Variants in ZHX2 observed in about 807,000 individuals in gnomAD.
ZHX2 encodes zinc fingers and homeoboxes 2.
A neutral mutation model predicts 21.9 loss-of-function variants in ZHX2; 6 were observed. That is an observed-to-expected ratio of 0.27 (90% CI 0.15 to 0.54). The LOEUF is 0.54. Ranked by LOEUF, ZHX2 falls within the 20% of genes least tolerant of loss-of-function variation. The probability of loss-of-function intolerance (pLI) is 0.95; values close to 1 mark genes in which losing one functional copy is unlikely to be tolerated. For synonymous variants in ZHX2, 434 were observed against 437.1 expected (o/e 0.99, Z 0.09); for missense variants, 908 against 1,090.7 (o/e 0.83, Z 2.36).
chr8:122,950,579 TTAAAA>T (rs892982524), intron 2 of ZHX2, among the ~76,000 whole-genome samples: 1 of 152,128 alleles, frequency 6.6e-6, no homozygotes, highest in Non-Finnish European at 1.5e-5. Flanking sequence ...ATCCCAGAAC[TTAAAA>T]TAAAATTTTA....
At chr8:122,868,591 C>G (rs1415972200) in intron 2 of ZHX2, among the ~76,000 whole-genome samples, 1 of 151,526 alleles carries the variant, frequency 6.6e-6, no homozygotes, top group African/African-American at 2.4e-5. Flanking sequence ...GTCCCAGCTA[C>G]TTGGGAGGCT....
intron 2 of ZHX2, among the ~76,000 whole-genome samples, chr8:122,881,906 T>C (rs1321685747): frequency 9.2e-5 from 14 of 152,308 alleles, no homozygotes; most frequent in Non-Finnish European, 1.5e-5. Flanking sequence ...CTTAAAACTT[T>C]CAACCGGCAA....
At chr8:122,900,256 T>C (rs1038116970) in intron 2 of ZHX2, among the ~76,000 whole-genome samples, 9 of 151,942 alleles carry the variant, frequency 5.9e-5, no homozygotes, top group Admixed American at 2.0e-4. Flanking sequence ...CTGCTTCTGG[T>C]GTGGACCTCA....
At chr8:122,819,743 G>A (rs545385359) in intron 1 of ZHX2, among the ~76,000 whole-genome samples, 4 of 152,262 alleles carry the variant, frequency 2.6e-5, no homozygotes, top group Non-Finnish European at 5.9e-5. Context: ...CCCAGACTGG[G>A]CACTCCACTG....
In ZHX2 at chr8:122,805,424, C is replaced by T. The variant is rs190554467; in HGVS notation, c.-283+23478C>T. ...GCCACTCGAAATCTGAGTGACCCCC[C>T]ACCCCAGCAAGGAAACACAGGTACC... On this transcript the variant is annotated intron_variant, in intron 1 of 3. Transcript: ENST00000314393. Among the ~76,000 whole-genome samples the T allele has an allele frequency of 9.2e-5, 14 of 152,302 alleles. No individual in the cohort carries two copies. The East Asian group carries it at 2.1e-3, about 23-fold the overall frequency.
At chr8:122,781,053 T>G (rs1040552646), upstream of ZHX2, 6 of 152,144 alleles carry the variant, frequency 3.9e-5, no homozygotes, top group Non-Finnish European at 7.4e-5. This position sits in a 1 kb window ranked among gnomAD's most constrained non-coding sequence, Gnocchi z 4.6. Context: ...ATTCCGGGAG[T>G]AAAATGTGTC....
rs201110609 is a variant in ZHX2, at chr8:122,953,822, G to T, written c.2312G>T (p.Arg771Leu). ...PAKPSEATSDRSEGSSRDGQG... is the reference protein window; with the variant it reads ...PAKPSEATSDLSEGSSRDGQG... Reference sequence around the variant, plus strand: ...AAGCCCTCAGAGGCCACCTCAGACCGGTCAGAGGGCAGCAGCCGGGACGGC... The same window carrying T: ...AAGCCCTCAGAGGCCACCTCAGACCTGTCAGAGGGCAGCAGCCGGGACGGC... Residue 771 changes from arginine to leucine, a missense_variant, in exon 3 of 4, where the codon CGG becomes CTG. Arg to Leu is a moderately radical substitution (Grantham distance 102). This residue lies in a region of ZHX2 where 431 missense variants were observed against 428.6 expected (regional missense o/e 1.01). Transcript: ENST00000314393. This position sits in a 1 kb window ranked among gnomAD's most constrained non-coding sequence, Gnocchi z 4.6. The T allele has an allele frequency of 2.7e-5, 44 of 1,614,122 alleles. No homozygotes were observed. In the Middle Eastern group the frequency reaches 4.9e-4, roughly 18 times the overall value.
At chr8:122,903,479 T>C (rs530140371) in intron 2 of ZHX2, among the ~76,000 whole-genome samples, 7 of 152,314 alleles carry the variant, frequency 4.6e-5, no homozygotes, top group Non-Finnish European at 8.8e-5. Flanking sequence ...GAAGGTATTA[T>C]TGGAGAACGT....
rs542674481 is a variant in ZHX2, at chr8:122,833,854, G to A, written c.-282-29623G>A. Among the ~76,000 whole-genome samples, 118 of 152,160 alleles carry A rather than the reference G, an allele frequency of 7.8e-4. 1 individual carries two copies. Among genetic ancestry groups the A allele is most frequent in the African/African-American group, 2.8e-3 (115 of 41,520 alleles). ...TACTAAAAAATACAAAAAATTAGCC[G>A]GGCGTGGTGGTGGGCGCCTGTAGTC... On this transcript the variant is annotated intron_variant, in intron 1 of 3. Coordinates refer to ENST00000314393, the MANE Select transcript of ZHX2 (RefSeq NM_014943.5).
Position 122,969,408 on chromosome 8 carries a change from GC to G in ZHX2, c.*5-3826del, listed in dbSNP as rs879514249. Among the ~76,000 whole-genome samples the G allele has an allele frequency of 3.3e-5, 5 of 151,556 alleles. No homozygotes were observed. The South Asian group carries it at 6.3e-4, about 19-fold the overall frequency. On this transcript the variant is annotated intron_variant, in intron 3 of 3. Coordinates refer to ENST00000314393, the MANE Select transcript of ZHX2 (RefSeq NM_014943.5). ...CATGTTATATCCTTACCTCCCCACT[GC>G]CCCCCCCAAAAATAGACACAAGCAA...
At chr8:122,950,401 C>T (rs559142011) in intron 2 of ZHX2, among the ~76,000 whole-genome samples, 42 of 152,048 alleles carry the variant, frequency 2.8e-4, no homozygotes, top group African/African-American at 5.3e-4. Flanking sequence ...GGGAGGGGAA[C>T]GTCACACACC....
intron 1 of ZHX2, among the ~76,000 whole-genome samples, chr8:122,795,406 C>T (rs1055943938): frequency 2.0e-5 from 3 of 152,248 alleles, no homozygotes; most frequent in Non-Finnish European, 4.4e-5. Flanking sequence ...GGCCTCTGGG[C>T]GCAAGCTGGG....
intron 1 of ZHX2, among the ~76,000 whole-genome samples, chr8:122,815,270 T>C (rs928263509): frequency 6.6e-6 from 1 of 152,258 alleles, no homozygotes; most frequent in Admixed American, 6.5e-5. Context: ...GAGTCTGTGA[T>C]ACTTTGATGG....
chr8:122,922,122 T>C (rs1820754525), intron 2 of ZHX2, among the ~76,000 whole-genome samples: 1 of 152,136 alleles, frequency 6.6e-6, no homozygotes, highest in Non-Finnish European at 1.5e-5. Flanking sequence ...TGCATTCATT[T>C]TGGGTGCTGA....
intron 3 of ZHX2, among the ~76,000 whole-genome samples, chr8:122,966,470 A>G (rs1251554690): frequency 6.6e-6 from 1 of 152,190 alleles, no homozygotes; most frequent in African/African-American, 2.4e-5. Context: ...TAAGGAGGCT[A>G]AAGATGGGAT....
intron 1 of ZHX2, among the ~76,000 whole-genome samples, chr8:122,802,512 A>G (rs1478427975): frequency 6.6e-6 from 1 of 152,038 alleles, no homozygotes; most frequent in East Asian, 1.9e-4. Context: ...GCCTTTCTGG[A>G]CCTTGTATGT....
At chr8:122,843,369 C>G (rs1394618656) in intron 1 of ZHX2, among the ~76,000 whole-genome samples, 1 of 152,198 alleles carries the variant, frequency 6.6e-6, no homozygotes, top group East Asian at 1.9e-4. Context: ...TAGGCCTCTC[C>G]TTGTCATCCG....
At chr8:122,847,776 A>G (rs16897538) in intron 1 of ZHX2, among the ~76,000 whole-genome samples, 19,893 of 152,176 alleles carry the variant, frequency 0.13, 2,407 homozygotes, top group African/African-American at 0.32. Flanking sequence ...ACCAGCACCC[A>G]GCACCACACT....
chr8:122,878,836 T>C (rs193186305), intron 2 of ZHX2, among the ~76,000 whole-genome samples: 1 of 152,276 alleles, frequency 6.6e-6, no homozygotes, highest in Non-Finnish European at 1.5e-5. Context: ...GCTTGAGATA[T>C]TCATATAATT....
Sources: allele counts gnomAD v4.1 joint callset (sites outside exome capture counted in the v4.1 genomes callset), GRCh38; gene constraint gnomAD v4.1.1; regional missense constraint gnomAD v4.1.1; non-coding constraint Gnocchi (gnomAD v3.1); transcripts MANE v1.5; gene names NCBI Gene and HGNC (gene_info 2026-07-23, HGNC 2026-07-21).